The following UQCC1 variants were observed in gnomAD, a reference collection of about 807,000 sequenced individuals.
UQCC1 encodes the protein ubiquinol-cytochrome c reductase complex assembly factor 1.
UQCC1 carries 38 observed loss-of-function variants against 48.0 expected under a neutral mutation model. The observed-to-expected ratio is 0.79, with a 90% CI of 0.61 to 1.04. UQCC1 has a LOEUF of 1.04. Among genes scored for constraint, UQCC1 ranks in the 50% least tolerant of loss-of-function variants. The pLI, the probability that UQCC1 is intolerant of heterozygous loss-of-function variation, is 0.00. For missense variants in UQCC1, 368 were observed against 381.8 expected, an observed-to-expected ratio of 0.96 and a Z score of 0.30; for synonymous variants, 111 against 129.2, an observed-to-expected ratio of 0.86 and a Z score of 0.95.
chr20:35,369,289 A>G (rs1045634823), intron 5 of UQCC1, among the ~76,000 whole-genome samples: 1 of 152,240 alleles, frequency 6.6e-6, no homozygotes. Flanking sequence ...AGAAACCCAC[A>G]GGGTAAAGCC....
chr20:35,399,925 C>CTTT (rs1227064253), intron 1 of UQCC1, among the ~76,000 whole-genome samples: 14 of 119,598 alleles, frequency 1.2e-4, no homozygotes, highest in African/African-American at 3.0e-4. Context: ...CTACTCAGTC[C>CTTT]TTTTTTTTTT....
intron 4 of UQCC1, among the ~76,000 whole-genome samples, chr20:35,381,431 T>C (rs932062379): frequency 6.6e-6 from 1 of 152,188 alleles, no homozygotes; most frequent in Admixed American, 6.5e-5. Flanking sequence ...TGCCTGCTAC[T>C]ATGAGATGCT....
At chr20:35,368,346 A>G (rs1161179094) in intron 5 of UQCC1, among the ~76,000 whole-genome samples, 1 of 152,204 alleles carries the variant, frequency 6.6e-6, no homozygotes, top group East Asian at 1.9e-4. Context: ...AATCCTCCCA[A>G]TAACCCTGAG....
chr20:35,321,246 A>T (rs1693441512), intron 7 of UQCC1, among the ~76,000 whole-genome samples: 1 of 140,306 alleles, frequency 7.1e-6, no homozygotes. Flanking sequence ...CAAAATACAA[A>T]CAAAACTGTG....
At chr20:35,336,256 GC>G (rs2146358341) in intron 7 of UQCC1, among the ~76,000 whole-genome samples, 1 of 152,300 alleles carries the variant, frequency 6.6e-6, no homozygotes, top group South Asian at 2.1e-4. Context: ...TAATTAAATT[GC>G]CTAACAGTGG....
chr20:35,343,216 C>A (rs556442976), intron 7 of UQCC1, among the ~76,000 whole-genome samples: 53 of 152,224 alleles, frequency 3.5e-4, no homozygotes, highest in African/African-American at 1.2e-3. Context: ...GATAGATTTG[C>A]AAATTACCAC....
chr20:35,384,689 C>A, intron 2 of UQCC1: 1 of 445,590 alleles, frequency 2.2e-6, no homozygotes, highest in Non-Finnish European at 4.5e-6. Flanking sequence ...AATTCAAAGG[C>A]CAGGTGGCGT....
intron 7 of UQCC1, among the ~76,000 whole-genome samples, chr20:35,330,592 C>T (rs1600885737): frequency 1.3e-5 from 2 of 152,276 alleles, no homozygotes; most frequent in Admixed American, 6.5e-5. Context: ...CTTCATCAGA[C>T]GAGATACCCC....
intron 6 of UQCC1, among the ~76,000 whole-genome samples, chr20:35,351,388 T>C: frequency 1.2e-5 from 1 of 85,980 alleles, no homozygotes; most frequent in Non-Finnish European, 2.5e-5. Flanking sequence ...CAAGACTCCA[T>C]CTCAAAAAAA....
chr20:35,347,359 G>T, intron 6 of UQCC1, 87 bp from the exon 7 acceptor site: 1 of 1,531,272 alleles, frequency 6.5e-7, no homozygotes, highest in African/African-American at 1.4e-5. Context: ...ATCTAAGAGT[G>T]AGTTTAGCAA....
intron 1 of UQCC1, among the ~76,000 whole-genome samples, chr20:35,395,116 C>T (rs550051536): frequency 5.5e-4 from 83 of 152,266 alleles, no homozygotes; most frequent in Admixed American, 3.9e-3. Flanking sequence ...AACCTAGAAG[C>T]TCTCCAAACC....
chr20:35,330,443 G>A (rs115749110), intron 7 of UQCC1, among the ~76,000 whole-genome samples: 1,770 of 152,290 alleles, frequency 0.012, 38 homozygotes, highest in African/African-American at 0.039. Flanking sequence ...TAAAAACACT[G>A]ACTGCTTGGC....
intron 7 of UQCC1, among the ~76,000 whole-genome samples, chr20:35,321,285 C>T (rs6141543): frequency 0.46 from 62,019 of 134,682 alleles, 13,909 homozygotes; most frequent in East Asian, 0.64. Flanking sequence ...TGTGTGTGTG[C>T]GCGCGCGCGC....
At chr20:35,403,078 A>G (rs1456470914) in intron 1 of UQCC1, among the ~76,000 whole-genome samples, 2 of 152,162 alleles carry the variant, frequency 1.3e-5, no homozygotes, top group East Asian at 3.8e-4. Flanking sequence ...AAAAAAAAAA[A>G]AAAAAATTAC....
At chr20:35,402,565 G>A (rs1300630322) in intron 1 of UQCC1, among the ~76,000 whole-genome samples, 5 of 148,850 alleles carry the variant, frequency 3.4e-5, no homozygotes, top group Middle Eastern at 3.5e-3. Context: ...GCGACAGAGC[G>A]AGACTCCATC....
chr20:35,402,775 AGAGT>A (rs1410991451), intron 1 of UQCC1, among the ~76,000 whole-genome samples: 4 of 151,594 alleles, frequency 2.6e-5, no homozygotes, highest in African/African-American at 9.7e-5. Flanking sequence ...CCTGGGTGAC[AGAGT>A]GAGACCCCAT....
intron 7 of UQCC1, among the ~76,000 whole-genome samples, chr20:35,320,762 A>C (rs1255124878): frequency 6.6e-6 from 1 of 152,240 alleles, no homozygotes; most frequent in Non-Finnish European, 1.5e-5. Context: ...ACTGATGAGC[A>C]TGAAGGTGAG....
At chr20:35,407,234 C>T (rs1293405094) in intron 1 of UQCC1, among the ~76,000 whole-genome samples, 3 of 152,118 alleles carry the variant, frequency 2.0e-5, no homozygotes, top group African/African-American at 7.2e-5. Flanking sequence ...TTGAGACCAG[C>T]CTGGCCAACA....
chr20:35,351,831 C>T (rs2061493238), intron 6 of UQCC1, among the ~76,000 whole-genome samples: 1 of 152,180 alleles, frequency 6.6e-6, no homozygotes, highest in Non-Finnish European at 1.5e-5. Flanking sequence ...AATGGTTATC[C>T]AGTTGAAAAG....
Sources: allele counts gnomAD v4.1 joint callset (sites outside exome capture counted in the v4.1 genomes callset), GRCh38; gene constraint gnomAD v4.1.1; transcripts MANE v1.5; gene names NCBI Gene and HGNC (gene_info 2026-07-23, HGNC 2026-07-21).